The following QTMAN variants were observed in gnomAD, a reference collection of about 807,000 sequenced individuals.
QTMAN encodes queuosine-tRNA mannosyltransferase.
the QTMAN span, among the ~76,000 whole-genome samples, chr2:144,256,285 G>A: frequency 1.2e-4 from 19 of 152,262 alleles, no homozygotes; most frequent in African/African-American, 4.1e-4. Context: ...GTTTTACAAT[G>A]TCACTTCACT....
At chr2:144,151,757 A>AT in the QTMAN span, among the ~76,000 whole-genome samples, 1 of 152,324 alleles carries the variant, frequency 6.6e-6, no homozygotes, top group South Asian at 2.1e-4. Flanking sequence ...GTTTCAACAT[A>AT]TTTTTTAATT....
chr2:144,160,232 G>A, the QTMAN span, among the ~76,000 whole-genome samples: 1 of 152,120 alleles, frequency 6.6e-6, no homozygotes, highest in South Asian at 2.1e-4. Flanking sequence ...AGAAAAAAGA[G>A]TGACTGAACA....
the QTMAN span, among the ~76,000 whole-genome samples, chr2:144,302,587 T>C: frequency 6.6e-6 from 1 of 152,302 alleles, no homozygotes; most frequent in Non-Finnish European, 1.5e-5. Flanking sequence ...ATCTATAATT[T>C]CTATTTTAAA....
chr2:144,081,696 C>A, the QTMAN span, among the ~76,000 whole-genome samples: 1 of 152,094 alleles, frequency 6.6e-6, no homozygotes, highest in Admixed American at 6.6e-5. Flanking sequence ...CTGCGGGGAA[C>A]AGGAGGGAGA....
the QTMAN span, among the ~76,000 whole-genome samples, chr2:144,121,967 C>T: frequency 2.8e-4 from 43 of 152,088 alleles, 1 homozygote; most frequent in Non-Finnish European, 1.5e-5. Flanking sequence ...AAAATAACAG[C>T]ATTTGAGGAA....
the QTMAN span, among the ~76,000 whole-genome samples, chr2:144,224,553 G>C: frequency 2.0e-5 from 3 of 152,292 alleles, no homozygotes; most frequent in East Asian, 3.9e-4. Context: ...ACAGAGGATA[G>C]GAGCTACTGA....
chr2:144,252,026 C>T, the QTMAN span, among the ~76,000 whole-genome samples: 75 of 151,716 alleles, frequency 4.9e-4, 1 homozygote, highest in East Asian at 0.011. Context: ...TGAGAACCTG[C>T]CTCTATGTTT....
the QTMAN span, among the ~76,000 whole-genome samples, chr2:144,267,793 C>A: frequency 6.6e-6 from 1 of 152,106 alleles, no homozygotes. Flanking sequence ...TGAGTTAGCC[C>A]TAATAGCGAT....
At chr2:144,164,896 C>T in the QTMAN span, among the ~76,000 whole-genome samples, 5 of 152,192 alleles carry the variant, frequency 3.3e-5, no homozygotes, top group African/African-American at 9.6e-5. Flanking sequence ...CCTGTATACA[C>T]TAGTCACCCA....
the QTMAN span, among the ~76,000 whole-genome samples, chr2:144,304,490 C>A: frequency 6.6e-6 from 1 of 152,086 alleles, no homozygotes; most frequent in South Asian, 2.1e-4. Flanking sequence ...TGACTCATAA[C>A]TAAGACAAAA....
the QTMAN span, among the ~76,000 whole-genome samples, chr2:144,289,641 G>A: frequency 6.6e-6 from 1 of 152,064 alleles, no homozygotes; most frequent in Admixed American, 6.5e-5. Context: ...AATAAAGAAA[G>A]ACAAAAGAAA....
the QTMAN span, among the ~76,000 whole-genome samples, chr2:144,026,675 T>C: frequency 2.6e-5 from 4 of 152,170 alleles, no homozygotes; most frequent in Non-Finnish European, 5.9e-5. Context: ...TTAACATCTC[T>C]GGGCTTCAGT....
chr2:143,950,605 C>T, the QTMAN span, among the ~76,000 whole-genome samples: 1 of 151,682 alleles, frequency 6.6e-6, no homozygotes, highest in Non-Finnish European at 1.5e-5. Context: ...TGACAGAGAA[C>T]TCACTGAAAA....
chr2:144,072,468 C>T, the QTMAN span, among the ~76,000 whole-genome samples: 7 of 152,270 alleles, frequency 4.6e-5, no homozygotes, highest in East Asian at 7.7e-4. Flanking sequence ...GCACTTAGTC[C>T]GTCTTCTCAT....
chr2:144,203,242 G>A, the QTMAN span, among the ~76,000 whole-genome samples: 1 of 152,064 alleles, frequency 6.6e-6, no homozygotes, highest in Non-Finnish European at 1.5e-5. Flanking sequence ...AAGAGTGGGG[G>A]AGAGAGCAAA....
At chr2:144,215,355 T>C in the QTMAN span, among the ~76,000 whole-genome samples, 1 of 151,712 alleles carries the variant, frequency 6.6e-6, no homozygotes, top group South Asian at 2.1e-4. Flanking sequence ...GGACTTGAAT[T>C]AGTAAAGTGT....
At chr2:144,266,035 G>A in the QTMAN span, among the ~76,000 whole-genome samples, 4 of 152,110 alleles carry the variant, frequency 2.6e-5, no homozygotes, top group African/African-American at 9.7e-5. Flanking sequence ...TAAAGAGCTG[G>A]AATACGTAAA....
At chr2:144,176,025 T>A in the QTMAN span, among the ~76,000 whole-genome samples, 1 of 152,144 alleles carries the variant, frequency 6.6e-6, no homozygotes, top group Non-Finnish European at 1.5e-5. Context: ...AGAACTTCAA[T>A]ATTATTTTAT....
chr2:144,037,815 T>C, the QTMAN span, among the ~76,000 whole-genome samples: 1 of 152,178 alleles, frequency 6.6e-6, no homozygotes, highest in Admixed American at 6.5e-5. Flanking sequence ...AGAAAATGGA[T>C]ATAAAAAGCT....
Sources: allele counts gnomAD v4.1 joint callset (sites outside exome capture counted in the v4.1 genomes callset), GRCh38; gene constraint gnomAD v4.1.1; transcripts MANE v1.5; gene names NCBI Gene and HGNC (gene_info 2026-07-23, HGNC 2026-07-21).